PHACTR1: variants seen among roughly 807,000 people sequenced by gnomAD.
The protein encoded by PHACTR1 is phosphatase and actin regulator 1.
PHACTR1 carries 16 observed loss-of-function variants against 69.2 expected under a neutral mutation model. The ratio of observed to expected loss-of-function variants is 0.23; its 90% CI spans 0.16 to 0.35. The LOEUF (loss-of-function observed/expected upper bound fraction) is 0.35, where lower values mean the gene tolerates loss of function less well. Ranked by LOEUF, PHACTR1 falls within the 10% of genes least tolerant of loss-of-function variation. The pLI is 1.00. For missense variants in PHACTR1, 510 were observed against 734.7 expected, an observed-to-expected ratio of 0.69 and a Z score of 3.54; for synonymous variants, 312 against 284.5, an observed-to-expected ratio of 1.10 and a Z score of -0.97.
At chr6:12,843,232 T>A (rs1460232940) in intron 4 of PHACTR1, among the ~76,000 whole-genome samples, 4 of 152,210 alleles carry the variant, frequency 2.6e-5, no homozygotes, top group Non-Finnish European at 4.4e-5. Context: ...TTTCTGTAGC[T>A]CCAATAAGGA....
chr6:13,034,597 G>A (rs926372258), intron 4 of PHACTR1, among the ~76,000 whole-genome samples: 5 of 152,132 alleles, frequency 3.3e-5, no homozygotes, highest in African/African-American at 9.7e-5. Flanking sequence ...AAAAATTCCT[G>A]TTACTGGTAT....
intron 2 of PHACTR1, chr6:12,718,165 C>T (rs941496150): frequency 5.3e-5 from 8 of 152,258 alleles, no homozygotes; most frequent in African/African-American, 1.9e-4. Flanking sequence ...ATAAAATGTG[C>T]TGAAGGGAAT....
chr6:12,942,943 T>C (rs1018233013), intron 4 of PHACTR1, among the ~76,000 whole-genome samples: 3 of 152,178 alleles, frequency 2.0e-5, no homozygotes, highest in Non-Finnish European at 2.9e-5. Context: ...TAATATTCAA[T>C]AGAAAAGTAT....
At chr6:12,744,758 G>C (rs1224960597) in intron 3 of PHACTR1, among the ~76,000 whole-genome samples, 1 of 152,228 alleles carries the variant, frequency 6.6e-6, no homozygotes, top group Non-Finnish European at 1.5e-5. Flanking sequence ...ATTGTATCCA[G>C]TGACATTCTG....
chr6:12,821,460 A>G (rs1332037238), intron 4 of PHACTR1, among the ~76,000 whole-genome samples: 3 of 68,062 alleles, frequency 4.4e-5, no homozygotes, highest in Non-Finnish European at 5.4e-5. Flanking sequence ...GAGATTTCAC[A>G]TCAAAAAAAA....
Position 12,718,852 on chromosome 6 carries a change from T to C in PHACTR1, c.103+5T>C. 1 of 1,516,196 alleles carries C rather than the reference T, an allele frequency of 6.6e-7. No individual in the cohort carries two copies. Among genetic ancestry groups the C allele is most frequent in the Non-Finnish European group, 8.9e-7 (1 of 1,119,574 alleles). 93.9% of individuals were successfully genotyped at this position (1,516,196 alleles called of 1,614,324 possible). The stretch of plus-strand genomic sequence containing the variant: ...TCTACAGTCAAGGAGCTCAAGGTAA[T>C]AAAATAAGAAAAAGAAATTCCTCTT... On this transcript the variant is annotated splice_donor_5th_base_variant and intron_variant, in intron 3 of 14. Coordinates refer to ENST00000332995, the MANE Select transcript of PHACTR1 (RefSeq NM_030948.6).
At chr6:13,119,347 A>C (rs1183366823) in intron 5 of PHACTR1, among the ~76,000 whole-genome samples, 7 of 152,212 alleles carry the variant, frequency 4.6e-5, no homozygotes. Context: ...TTCACGTATA[A>C]AGTTTACCAA....
intron 3 of PHACTR1, among the ~76,000 whole-genome samples, chr6:12,747,151 A>G (rs1449135602): frequency 1.3e-5 from 2 of 152,206 alleles, no homozygotes; most frequent in East Asian, 1.9e-4. Context: ...GGCATATGTC[A>G]TAGAACAGTG....
At chr6:13,136,638 T>A (rs1332402627) in intron 5 of PHACTR1, among the ~76,000 whole-genome samples, 2 of 152,246 alleles carry the variant, frequency 1.3e-5, no homozygotes, top group Non-Finnish European at 2.9e-5. Context: ...CTCACTAAGC[T>A]TAATCATTTC....
At chr6:12,856,399 A>G (rs1582116246) in intron 4 of PHACTR1, among the ~76,000 whole-genome samples, 1 of 150,976 alleles carries the variant, frequency 6.6e-6, no homozygotes, top group Non-Finnish European at 1.5e-5. Flanking sequence ...GACTACAGGC[A>G]CCCGCCACCA....
chr6:12,924,694 G>A (rs1185546434), intron 4 of PHACTR1, among the ~76,000 whole-genome samples: 1 of 150,320 alleles, frequency 6.7e-6, no homozygotes, highest in African/African-American at 2.5e-5. Context: ...AGAATGGCAT[G>A]AACCCAGGAG....
chr6:12,860,656 C>G (rs1485855844), intron 4 of PHACTR1, among the ~76,000 whole-genome samples: 1 of 152,198 alleles, frequency 6.6e-6, no homozygotes, highest in Non-Finnish European at 1.5e-5. Context: ...TTTCCAGCAT[C>G]TGTTGTTTCC....
chr6:13,041,241 T>C (rs116716059), intron 4 of PHACTR1, among the ~76,000 whole-genome samples: 1 of 152,024 alleles, frequency 6.6e-6, no homozygotes, highest in African/African-American at 2.4e-5. Flanking sequence ...AAGAATTCCT[T>C]GTGAAAGTCT....
chr6:12,884,354 G>T (rs1783416559), intron 4 of PHACTR1, among the ~76,000 whole-genome samples: 1 of 151,792 alleles, frequency 6.6e-6, no homozygotes, highest in Admixed American at 6.6e-5. Flanking sequence ...TACACACAGA[G>T]ATGGGCATCA....
intron 4 of PHACTR1, among the ~76,000 whole-genome samples, chr6:13,046,809 TA>T (rs5874398): frequency 0.28 from 40,998 of 145,882 alleles, 5,926 homozygotes; most frequent in South Asian, 0.43. Flanking sequence ...TTTTACTCTT[TA>T]AAAAAAAAAA....
chr6:12,789,310 G>GC, intron 4 of PHACTR1, among the ~76,000 whole-genome samples: 1 of 152,116 alleles, frequency 6.6e-6, no homozygotes, highest in East Asian at 1.9e-4. Context: ...TTCCAGGACA[G>GC]CCCCCTCTGT....
intron 7 of PHACTR1, among the ~76,000 whole-genome samples, chr6:13,192,608 C>T (rs1763755299): frequency 6.6e-6 from 1 of 152,196 alleles, no homozygotes; most frequent in African/African-American, 2.4e-5. Context: ...TCAATTGTTC[C>T]TGTGAATAAG....
chr6:13,160,400 T>C (rs1382720609), intron 6 of PHACTR1, 116 bp downstream of exon 6: 2 of 918,056 alleles, frequency 2.2e-6, no homozygotes, highest in African/African-American at 3.3e-5. Context: ...ATTTGAACCA[T>C]TAAAACTCCA....
intron 7 of PHACTR1, among the ~76,000 whole-genome samples, chr6:13,198,629 A>C (rs1057339517): frequency 2.0e-5 from 3 of 151,946 alleles, no homozygotes; most frequent in Non-Finnish European, 4.4e-5. Flanking sequence ...AGTGAAAAAA[A>C]AAAAACGAAA....
Sources: allele counts gnomAD v4.1 joint callset (sites outside exome capture counted in the v4.1 genomes callset), GRCh38; gene constraint gnomAD v4.1.1; transcripts MANE v1.5; gene names NCBI Gene and HGNC (gene_info 2026-07-23, HGNC 2026-07-21).